The following RAB23 variants were observed in gnomAD, a reference collection of about 807,000 sequenced individuals.
RAB23 encodes ras-related protein Rab-23.
A neutral mutation model predicts 30.0 loss-of-function variants in RAB23; 15 were observed. The ratio of observed to expected loss-of-function variants is 0.50; its 90% CI spans 0.33 to 0.77. The LOEUF (loss-of-function observed/expected upper bound fraction) is 0.77, where lower values mean the gene tolerates loss of function less well. Among genes scored for constraint, RAB23 ranks in the 30% least tolerant of loss-of-function variants. RAB23 has a pLI of 0.02. For missense variants in RAB23, 243 were observed against 275.4 expected, an observed-to-expected ratio of 0.88 and a Z score of 0.83; for synonymous variants, 93 against 94.0, an observed-to-expected ratio of 0.99 and a Z score of 0.06.
At position 57,207,698 on chromosome 6, in the gene RAB23, A is replaced by G. The variant is rs368714271; in HGVS notation, c.171T>C (p.Asp57=). ...CAGTGTCCCATAACATTAGTCTGACATCTTCATCATTAACTCTAAAACAAG... is the reference window on the plus strand; with the variant it reads ...CAGTGTCCCATAACATTAGTCTGACGTCTTCATCATTAACTCTAAAACAAG... ...LERQIQVNDE[D]VRLMLWDTAG... The change falls in exon 3 of 7, where the codon GAT becomes GAC. Residue 57 remains aspartate, a synonymous_variant. Coordinates refer to ENST00000468148, the MANE Select transcript of RAB23 (RefSeq NM_016277.5). 6.9e-5 allele frequency: 110 copies of G among 1,597,258 alleles called. No homozygotes were observed. Among genetic ancestry groups the G allele is most frequent in the Middle Eastern group, 3.3e-4 (2 of 6,030 alleles).
chr6:57,206,805 AG>A (rs1309680795), intron 3 of RAB23, among the ~76,000 whole-genome samples: 4 of 152,208 alleles, frequency 2.6e-5, no homozygotes, highest in Non-Finnish European at 5.9e-5. Context: ...CACGGTGAAA[AG>A]TTCAGAAAAG....
intron 4 of RAB23, 39 bp from the exon 5 acceptor site, chr6:57,194,891 C>T (rs769904918): frequency 4.8e-6 from 7 of 1,465,742 alleles, no homozygotes; most frequent in South Asian, 2.3e-5. Context: ...TACAAAGGTG[C>T]CTTCTGATAG....
chr6:57,219,134 G>A (rs573758471), intron 1 of RAB23, among the ~76,000 whole-genome samples: 3 of 152,294 alleles, frequency 2.0e-5, no homozygotes, highest in African/African-American at 7.2e-5. Flanking sequence ...AATGAGTTTA[G>A]CAAAGTCAGA....
chr6:57,198,341 C>T (rs1160341421), intron 3 of RAB23, among the ~76,000 whole-genome samples: 5 of 152,058 alleles, frequency 3.3e-5, no homozygotes, highest in Admixed American at 6.5e-5. Context: ...GGTGAAACCC[C>T]GTCTCTACTA....
At chr6:57,197,317 T>A (rs982256303) in intron 3 of RAB23, among the ~76,000 whole-genome samples, 3 of 152,192 alleles carry the variant, frequency 2.0e-5, no homozygotes, top group Middle Eastern at 3.2e-3. Context: ...GACAATATTT[T>A]AACCATCAAC....
intron 1 of RAB23, among the ~76,000 whole-genome samples, chr6:57,219,901 C>A (rs763802540): frequency 5.9e-5 from 9 of 151,892 alleles, no homozygotes; most frequent in Admixed American, 4.6e-4. Context: ...ACCAGATGAC[C>A]CATAAAAGGA....
intron 1 of RAB23, among the ~76,000 whole-genome samples, chr6:57,215,821 G>A (rs1765815266): frequency 6.6e-6 from 1 of 152,080 alleles, no homozygotes; most frequent in South Asian, 2.1e-4. Context: ...TGTCCAATGT[G>A]GTGTTCAATA....
At chr6:57,202,350 C>A (rs1171903776) in intron 3 of RAB23, among the ~76,000 whole-genome samples, 1 of 152,166 alleles carries the variant, frequency 6.6e-6, no homozygotes, top group African/African-American at 2.4e-5. Flanking sequence ...GTAGACTAAA[C>A]CTATTCTCTG....
chr6:57,208,112 G>A (rs1367586403), intron 2 of RAB23, among the ~76,000 whole-genome samples: 5 of 152,128 alleles, frequency 3.3e-5, no homozygotes, highest in African/African-American at 1.2e-4. Flanking sequence ...GAGTACTTTC[G>A]GATGTTGATA....
At chr6:57,209,852 A>G (rs1203210845) in intron 2 of RAB23, among the ~76,000 whole-genome samples, 16 of 152,200 alleles carry the variant, frequency 1.1e-4, no homozygotes, top group Admixed American at 1.0e-3. Flanking sequence ...AAAAGAGAAC[A>G]GACATTCTAA....
chr6:57,195,726 C>T (rs1331882961), intron 4 of RAB23, among the ~76,000 whole-genome samples: 2 of 152,226 alleles, frequency 1.3e-5, no homozygotes, highest in Non-Finnish European at 2.9e-5. Flanking sequence ...GGTCCAGCAC[C>T]AGTGTAGCCT....
intron 3 of RAB23, among the ~76,000 whole-genome samples, chr6:57,205,896 G>C (rs181607808): frequency 2.0e-5 from 3 of 152,286 alleles, no homozygotes; most frequent in Non-Finnish European, 4.4e-5. Context: ...GTGAAGCAAA[G>C]AAATCAGCAG....
At chr6:57,219,390 A>G (rs946472820) in intron 1 of RAB23, among the ~76,000 whole-genome samples, 1 of 152,258 alleles carries the variant, frequency 6.6e-6, no homozygotes, top group East Asian at 1.9e-4. Context: ...CAAAGTAAAC[A>G]GCAATTCTCC....
At chr6:57,200,223 G>A (rs574192032) in intron 3 of RAB23, among the ~76,000 whole-genome samples, 2 of 150,866 alleles carry the variant, frequency 1.3e-5, no homozygotes, top group South Asian at 4.2e-4. Context: ...TGAGATGGGG[G>A]TTGGAAAGGA....
intron 6 of RAB23, among the ~76,000 whole-genome samples, chr6:57,191,029 C>T (rs897408589): frequency 3.3e-5 from 5 of 152,152 alleles, no homozygotes; most frequent in African/African-American, 1.2e-4. Context: ...GTTCATCCAA[C>T]GTAGAACACT....
chr6:57,191,429 G>C (rs528303135), intron 6 of RAB23, among the ~76,000 whole-genome samples: 1 of 152,064 alleles, frequency 6.6e-6, no homozygotes, highest in African/African-American at 2.4e-5. Context: ...TTGACGTTTG[G>C]AATCAGCAAA....
chr6:57,199,509 A>G (rs1765157517), intron 3 of RAB23, among the ~76,000 whole-genome samples: 1 of 152,242 alleles, frequency 6.6e-6, no homozygotes. Flanking sequence ...TAAATGCCTT[A>G]AGTTAAAGGC....
chr6:57,207,179 G>A (rs1765482502), intron 3 of RAB23, among the ~76,000 whole-genome samples: 2 of 152,170 alleles, frequency 1.3e-5, no homozygotes, highest in South Asian at 4.1e-4. Context: ...CTTTAGTCAT[G>A]GTTCCTTCCT....
rs1264725071 is a variant in RAB23 at position 57,189,414 on chromosome 6, T to TGTAA, written c.*1043_*1046dup. 1.3e-5 allele frequency: 2 copies of TGTAA among 152,230 alleles called. No individual in the cohort carries two copies. The highest frequency in any genetic ancestry group is 2.4e-5 in the African/African-American group (1 of 41,466). 9.4% of individuals were successfully genotyped at this position (152,230 alleles called of 1,614,324 possible). A position where few individuals can be genotyped will look rare whatever the true frequency, so the allele number is the denominator to read the frequency against. ...ACTTTAAAAATGGTTAGTGTAATCT[T>TGTAA]GTAAGTTCAAAGCTGGGTTCTCAGT... On this transcript the variant is annotated 3_prime_UTR_variant, in exon 7 of 7. Transcript: ENST00000468148.
Sources: allele counts gnomAD v4.1 joint callset (sites outside exome capture counted in the v4.1 genomes callset), GRCh38; gene constraint gnomAD v4.1.1; transcripts MANE v1.5; gene names NCBI Gene and HGNC (gene_info 2026-07-23, HGNC 2026-07-21).